IGSF10: variants seen among roughly 807,000 people sequenced by gnomAD.
IGSF10 encodes immunoglobulin superfamily member 10.
Under a neutral mutation model 128.2 loss-of-function variants are expected in IGSF10, and 126 were observed. The observed-to-expected ratio is 0.98, with a 90% CI of 0.85 to 1.14. The LOEUF is 1.14. Among genes scored for constraint, IGSF10 ranks in the 50% most tolerant of loss-of-function variants. The probability of loss-of-function intolerance (pLI) is 0.00; values close to 1 mark genes in which losing one functional copy is unlikely to be tolerated. For missense variants in IGSF10, 3,295 were observed against 3,149.8 expected (o/e 1.05, Z -1.10); for synonymous variants, 1,185 against 1,146.2 (o/e 1.03, Z -0.68).
the IGSF10 span, among the ~76,000 whole-genome samples, chr3:151,488,633 C>G: frequency 1.3e-5 from 2 of 152,060 alleles, no homozygotes; most frequent in African/African-American, 2.4e-5. Flanking sequence ...GATATATGGA[C>G]CAATGGAACA....
chr3:151,433,677 A>T, downstream of IGSF10: 1 of 152,608 alleles, frequency 6.6e-6, no homozygotes, highest in Non-Finnish European at 1.5e-5. Context: ...GGGGAAAAAA[A>T]AATCCAGTAG....
chr3:151,453,916 C>T (rs1056655423), intron 4 of IGSF10, 142 bp from the exon 5 acceptor site: 10 of 527,302 alleles, frequency 1.9e-5, no homozygotes, highest in African/African-American at 1.7e-4. Flanking sequence ...CAATCAAATT[C>T]ATTGCAAATT....
the IGSF10 span, among the ~76,000 whole-genome samples, chr3:151,584,637 A>G: frequency 6.6e-6 from 1 of 152,198 alleles, no homozygotes; most frequent in Non-Finnish European, 1.5e-5. Flanking sequence ...AGGCAGGGAA[A>G]AGAGTTGAGC....
the IGSF10 span, among the ~76,000 whole-genome samples, chr3:151,543,397 C>A: frequency 6.6e-6 from 1 of 152,288 alleles, no homozygotes; most frequent in Non-Finnish European, 1.5e-5. Flanking sequence ...TCTGTGGCTT[C>A]TACTACCCCC....
At chr3:151,478,660 A>C in the IGSF10 span, among the ~76,000 whole-genome samples, 1 of 152,250 alleles carries the variant, frequency 6.6e-6, no homozygotes, top group Non-Finnish European at 1.5e-5. Flanking sequence ...GAGAGAATTT[A>C]CTTCTGATCA....
chr3:151,453,529 T>C lies in IGSF10; in HGVS notation c.570A>G (p.Leu190=). 2.5e-6 allele frequency: 4 copies of C among 1,614,032 alleles called. No homozygotes were observed. The highest frequency in any genetic ancestry group is 3.4e-6 in the Non-Finnish European group (4 of 1,179,966). Residue 190 remains leucine (L), a synonymous_variant, in exon 5 of 8, where the codon CTA becomes CTG. Transcript: ENST00000282466. ...QIFKISFIKF[L]YLSDNFLTSL... Reference sequence around the variant, plus strand: ...AGGTCAGGAAGTTATCAGACAAGTATAGGAACTTAATGAAAGAGATTTTAA... The same window carrying C: ...AGGTCAGGAAGTTATCAGACAAGTACAGGAACTTAATGAAAGAGATTTTAA...
At chr3:151,591,799 G>A in the IGSF10 span, among the ~76,000 whole-genome samples, 1 of 152,036 alleles carries the variant, frequency 6.6e-6, no homozygotes, top group South Asian at 2.1e-4. Context: ...GAATTTTGCT[G>A]TGCATTATTC....
the IGSF10 span, among the ~76,000 whole-genome samples, chr3:151,543,286 G>A: frequency 5.8e-4 from 89 of 152,250 alleles, no homozygotes; most frequent in Non-Finnish European, 1.1e-3. Context: ...GGGGGCCATA[G>A]GCAGGTGAAA....
At chr3:151,472,646 T>C in the IGSF10 span, among the ~76,000 whole-genome samples, 1 of 152,158 alleles carries the variant, frequency 6.6e-6, no homozygotes, top group Non-Finnish European at 1.5e-5. Context: ...GTTGACCCCT[T>C]ATGAAATAGT....
chr3:151,477,158 A>G, the IGSF10 span, among the ~76,000 whole-genome samples: 2 of 152,196 alleles, frequency 1.3e-5, no homozygotes, highest in Non-Finnish European at 2.9e-5. Flanking sequence ...TTTAAAGCCA[A>G]CAATTACACT....
the IGSF10 span, among the ~76,000 whole-genome samples, chr3:151,557,179 T>A: frequency 6.6e-6 from 1 of 152,196 alleles, no homozygotes; most frequent in African/African-American, 2.4e-5. Flanking sequence ...CACTTGTGCA[T>A]GGGAGTCACA....
At chr3:151,525,001 CCTTTTTTTTTTTTTTTTT>C in the IGSF10 span, among the ~76,000 whole-genome samples, 11 of 106,852 alleles carry the variant, frequency 1.0e-4, no homozygotes, top group African/African-American at 3.7e-4. Context: ...ATGCATTACA[CCTTTTTTTTTTTTTTTTT>C]TTTTTTTTTT....
the IGSF10 span, among the ~76,000 whole-genome samples, chr3:151,588,042 T>G: frequency 2.2e-4 from 33 of 152,284 alleles, no homozygotes; most frequent in African/African-American, 7.9e-4. Flanking sequence ...AAGTCAAAAG[T>G]TCCAGAGGAC....
rs1721694198 is a variant in IGSF10 at position 151,454,729 on chromosome 3, G to A, written c.325-955C>T. 2.6e-5 allele frequency among the ~76,000 whole-genome samples: 4 copies of A among 151,996 alleles called. No homozygotes were observed. The South Asian group carries it at 6.2e-4, about 24-fold the overall frequency. ...ACCTTTTAAAGTGTACAACTGGCTG[G>A]GCATGGTGGCTCCCAGCACTTTGGG... On this transcript the variant is annotated intron_variant, in intron 4 of 7. Transcript: ENST00000282466.
At chr3:151,538,881 G>A in the IGSF10 span, among the ~76,000 whole-genome samples, 1 of 152,086 alleles carries the variant, frequency 6.6e-6, no homozygotes, top group Non-Finnish European at 1.5e-5. Flanking sequence ...AAAAGAAAAG[G>A]TTTTAGAACA....
the IGSF10 span, among the ~76,000 whole-genome samples, chr3:151,558,804 G>A: frequency 1.3e-5 from 2 of 152,192 alleles, no homozygotes; most frequent in African/African-American, 4.8e-5. Flanking sequence ...TTTGACTCAT[G>A]GTACATGTGA....
At chr3:151,572,625 C>T in the IGSF10 span, among the ~76,000 whole-genome samples, 7 of 151,992 alleles carry the variant, frequency 4.6e-5, no homozygotes, top group African/African-American at 1.5e-4. Context: ...CTTTATTAGT[C>T]TTGCTAGTGT....
At chr3:151,552,073 A>G in the IGSF10 span, among the ~76,000 whole-genome samples, 1 of 152,154 alleles carries the variant, frequency 6.6e-6, no homozygotes, top group East Asian at 1.9e-4. Context: ...TCACGGGGAC[A>G]GATTTCCTTC....
At position 151,443,635 on chromosome 3, in the gene IGSF10, C is replaced by T; in HGVS notation, c.5312G>A (p.Gly1771Asp). ...CCAGGTAACTGTAGGGCTTGGCCTA[C>T]CTTCTGCTCTGCACTTCAGTTCCAC... Reference protein sequence around the residue: ...STVELKCRAEGRPSPTVTWIL... With the variant: ...STVELKCRAEDRPSPTVTWIL... The change falls in exon 7 of 8, where the codon GGT becomes GAT. Residue 1771 changes from glycine to aspartate, a missense_variant. Gly to Asp is a moderately conservative substitution (Grantham distance 94). Coordinates refer to ENST00000282466, the MANE Select transcript of IGSF10 (RefSeq NM_178822.5). The T allele has an allele frequency of 6.2e-7, 1 of 1,614,232 alleles. No homozygotes were observed. The highest frequency in any genetic ancestry group is 8.5e-7 in the Non-Finnish European group (1 of 1,180,042).
Sources: gnomAD v4.1 joint callset for allele counts (sites outside exome capture counted in the v4.1 genomes callset) on GRCh38, gnomAD v4.1.1 for gene constraint, MANE v1.5 for transcripts, NCBI Gene and HGNC (gene_info 2026-07-23, HGNC 2026-07-21) for gene names.